Variants in NTSR1 observed in about 807,000 individuals in gnomAD.
NTSR1 encodes the protein neurotensin receptor type 1.
NTSR1 carries 29 observed loss-of-function variants against 31.2 expected under a neutral mutation model. The observed-to-expected ratio is 0.93, with a 90% CI of 0.69 to 1.27. NTSR1 has a LOEUF of 1.27. NTSR1 is among the 50% of genes most tolerant of loss of function. NTSR1 has a pLI of 0.00. For missense variants in NTSR1, 697 were observed against 595.4 expected (o/e 1.17, Z -1.78); for synonymous variants, 282 against 269.9 (o/e 1.04, Z -0.44).
intron 1 of NTSR1, among the ~76,000 whole-genome samples, chr20:62,723,627 C>T (rs1336784466): frequency 6.6e-6 from 1 of 152,170 alleles, no homozygotes; most frequent in Admixed American, 6.5e-5. Context: ...GTCCAGGGCT[C>T]ACCAGCATTT....
At chr20:62,756,630 C>T (rs891285556) in intron 2 of NTSR1, 4 of 152,296 alleles carry the variant, frequency 2.6e-5, no homozygotes, top group Non-Finnish European at 5.9e-5. Context: ...GGGCTTTGGA[C>T]ACGGAGCTCT....
chr20:62,760,510 G>C lies in NTSR1; in HGVS notation c.*243G>C, dbSNP rs1239061964. 6.3e-6 allele frequency: 3 copies of C among 474,322 alleles called. No homozygotes were observed. The highest frequency in any genetic ancestry group is 1.1e-5 in the Non-Finnish European group (3 of 267,916). 29.4% of individuals were successfully genotyped at this position (474,322 alleles called of 1,614,324 possible). The stretch of plus-strand genomic sequence containing the variant: ...CTCCTCTTTGAAAGCCAGAACAAGA[G>C]AGCGCTCCTCTCCCAGATAGGAAAA... On this transcript the variant is annotated 3_prime_UTR_variant, in exon 4 of 4. Transcript: ENST00000370501.
At position 62,754,797 on chromosome 20, in the gene NTSR1, T is replaced by C. The variant is rs1441863426; in HGVS notation, c.827T>C (p.Val276Ala). ...MVRQAAEQGQVCTVGGEHSTF... is the reference protein window; with the variant it reads ...MVRQAAEQGQACTVGGEHSTF... The stretch of plus-strand genomic sequence containing the variant: ...CGCCAGGCGGCCGAGCAGGGCCAAG[T>C]GTGCACGGTCGGGGGCGAGCACAGC... The change falls in exon 2 of 4, where the codon GTG (valine) becomes GCG (alanine). Residue 276 changes from valine to alanine, a missense_variant. Transcript: ENST00000370501. 2 of 1,611,108 alleles carry C rather than the reference T, an allele frequency of 1.2e-6. No homozygotes were observed. Among genetic ancestry groups the C allele is most frequent in the Admixed American group, 3.3e-5 (2 of 59,954 alleles).
At chr20:62,720,467 T>C (rs1367711054) in intron 1 of NTSR1, among the ~76,000 whole-genome samples, 1 of 152,212 alleles carries the variant, frequency 6.6e-6, no homozygotes, top group African/African-American at 2.4e-5. Context: ...TTTTAATGTC[T>C]GTGGGGTCAG....
chr20:62,728,359 C>T (rs1275126590), intron 1 of NTSR1, among the ~76,000 whole-genome samples: 4 of 152,136 alleles, frequency 2.6e-5, no homozygotes, highest in African/African-American at 2.4e-5. Context: ...TCAGTGTGTG[C>T]GGCAGCCCCA....
chr20:62,723,246 A>T (rs1301826857), intron 1 of NTSR1, among the ~76,000 whole-genome samples: 1 of 152,206 alleles, frequency 6.6e-6, no homozygotes, highest in African/African-American at 2.4e-5. Flanking sequence ...CTGTTTGGGA[A>T]TCATTCCTGC....
rs1041754743 is a variant in NTSR1, at chr20:62,715,146, G to A, written c.714+5225G>A. Among the ~76,000 whole-genome samples the A allele has an allele frequency of 3.3e-5, 5 of 152,180 alleles. No individual in the cohort carries two copies. Among genetic ancestry groups the A allele is most frequent in the African/African-American group, 1.2e-4 (5 of 41,440 alleles). On this transcript the variant is annotated intron_variant, in intron 1 of 3. Transcript: ENST00000370501. The surrounding 1 kb of genome is among the most constrained non-coding windows in gnomAD (Gnocchi z 4.7). Reference sequence around the variant, plus strand: ...AATTAAAAGTTTTCAAAAGGTTAAGGTGCTATATGTTGGAAATAAAGAATT... The same window carrying A: ...AATTAAAAGTTTTCAAAAGGTTAAGATGCTATATGTTGGAAATAAAGAATT...
intron 1 of NTSR1, among the ~76,000 whole-genome samples, chr20:62,750,788 G>C (rs117171612): frequency 6.6e-6 from 1 of 152,014 alleles, no homozygotes; most frequent in Non-Finnish European, 1.5e-5. Context: ...GGGGGTAACT[G>C]TGAGGTGACG....
At position 62,743,798 on chromosome 20, in the gene NTSR1, C is replaced by CGAAGA. The variant is rs1462281462; in HGVS notation, c.715-10885_715-10881dup. Among the ~76,000 whole-genome samples, 1 of 152,040 alleles carries CGAAGA rather than the reference C, an allele frequency of 6.6e-6. No homozygotes were observed. The highest frequency in any genetic ancestry group is 1.5e-5 in the Non-Finnish European group (1 of 68,024). ...AGAATACAAAACAAGCAATTGCTCT[C>CGAAGA]GAAGAGCGAGGTGAGAACGCCCTGC... is the stretch of plus-strand genomic sequence containing the variant. On this transcript the variant is annotated intron_variant, in intron 1 of 3. Coordinates refer to ENST00000370501, the MANE Select transcript of NTSR1 (RefSeq NM_002531.3). The surrounding 1 kb of genome is among the most constrained non-coding windows in gnomAD (Gnocchi z 7.5).
At chr20:62,736,863 G>A (rs1161426198) in intron 1 of NTSR1, among the ~76,000 whole-genome samples, 2 of 152,218 alleles carry the variant, frequency 1.3e-5, no homozygotes, top group Non-Finnish European at 2.9e-5. Flanking sequence ...GATCGTGGGG[G>A]CGGTTCCCCC....
At chr20:62,738,511 T>C (rs1482701021) in intron 1 of NTSR1, among the ~76,000 whole-genome samples, 1 of 152,196 alleles carries the variant, frequency 6.6e-6, no homozygotes, top group Admixed American at 6.5e-5. Context: ...ACCAGCGAAG[T>C]ATCATGAAAA....
intron 1 of NTSR1, among the ~76,000 whole-genome samples, chr20:62,717,291 CCTGTGGGGG>C (rs1427385232): frequency 6.6e-6 from 1 of 152,208 alleles, no homozygotes; most frequent in Non-Finnish European, 1.5e-5. Context: ...TCCCTGTGCA[CCTGTGGGGG>C]CTGTGTCCTA....
At chr20:62,747,084 A>G (rs1479374655) in intron 1 of NTSR1, among the ~76,000 whole-genome samples, 1 of 152,292 alleles carries the variant, frequency 6.6e-6, no homozygotes, top group Non-Finnish European at 1.5e-5. Context: ...AACACAGTTC[A>G]GCACATATGA....
chr20:62,735,230 C>G (rs1249947370), intron 1 of NTSR1: 1 of 152,402 alleles, frequency 6.6e-6, no homozygotes. Context: ...ACCTACCAGG[C>G]CTGCAGGGTC....
rs1040841810 is a variant in NTSR1, at chr20:62,743,208, G to A, written c.715-11477G>A. ...CCCGGTCCAGTCAGCTGAGTGCCCC[G>A]TGGTGTGGGTGCGTCATGCCATGGC... On this transcript the variant is annotated intron_variant, in intron 1 of 3. Coordinates refer to ENST00000370501, the MANE Select transcript of NTSR1 (RefSeq NM_002531.3). This position sits in a 1 kb window ranked among gnomAD's most constrained non-coding sequence, Gnocchi z 7.5. Among the ~76,000 whole-genome samples, 45 of 149,566 alleles carry A rather than the reference G, an allele frequency of 3.0e-4. 1 individual carries two copies. The highest frequency in any genetic ancestry group is 3.7e-4 in the Non-Finnish European group (25 of 68,000).
chr20:62,710,493 T>C (rs2147129976), intron 1 of NTSR1, among the ~76,000 whole-genome samples: 1 of 152,230 alleles, frequency 6.6e-6, no homozygotes, highest in African/African-American at 2.4e-5. Context: ...GTGGGAAGTG[T>C]TTGCATGGCC....
chr20:62,740,361 G>A (rs774951080), intron 1 of NTSR1, among the ~76,000 whole-genome samples: 8 of 138,202 alleles, frequency 5.8e-5, no homozygotes, highest in South Asian at 2.1e-4. Context: ...TAGGGTGAGC[G>A]GCAGGCAGAT....
At position 62,715,172 on chromosome 20, in the gene NTSR1, T is replaced by C. The variant is rs909772636; in HGVS notation, c.714+5251T>C. ...TGCTATATGTTGGAAATAAAGAATT[T>C]GGCGTATGAAATCACCGTTCAGATG... On this transcript the variant is annotated intron_variant, in intron 1 of 3. Coordinates refer to ENST00000370501, the MANE Select transcript of NTSR1 (RefSeq NM_002531.3). This position sits in a 1 kb window ranked among gnomAD's most constrained non-coding sequence, Gnocchi z 4.7. Among the ~76,000 whole-genome samples the C allele has an allele frequency of 1.3e-5, 2 of 152,206 alleles. No individual in the cohort carries two copies. The highest frequency in any genetic ancestry group is 2.4e-5 in the African/African-American group (1 of 41,446).
intron 1 of NTSR1, among the ~76,000 whole-genome samples, chr20:62,722,906 G>A (rs1290856350): frequency 6.6e-6 from 1 of 152,128 alleles, no homozygotes; most frequent in Non-Finnish European, 1.5e-5. Context: ...AAAAGGCTTG[G>A]GCTCAAAGGA....
Sources: gnomAD v4.1 joint callset for allele counts (sites outside exome capture counted in the v4.1 genomes callset) on GRCh38, gnomAD v4.1.1 for gene constraint, Gnocchi (gnomAD v3.1) non-coding constraint, MANE v1.5 for transcripts, NCBI Gene and HGNC (gene_info 2026-07-23, HGNC 2026-07-21) for gene names.